CALD1: variants seen among roughly 807,000 people sequenced by gnomAD.
CALD1 encodes the protein caldesmon 1, also known as caldesmon.
CALD1 carries 33 observed loss-of-function variants against 99.9 expected under a neutral mutation model. That is an observed-to-expected ratio of 0.33 (90% CI 0.25 to 0.44). CALD1 has a LOEUF of 0.44. CALD1 is among the 20% of genes least tolerant of loss of function. The pLI is 1.00. For synonymous variants in CALD1, 310 were observed against 325.0 expected (o/e 0.95, Z 0.50); for missense variants, 861 against 962.1 (o/e 0.89, Z 1.39).
At chr7:134,924,378 A>G (rs1342731818) in intron 3 of CALD1, among the ~76,000 whole-genome samples, 1 of 152,028 alleles carries the variant, frequency 6.6e-6, no homozygotes, top group African/African-American at 2.4e-5. Context: ...CTTTTTTTTC[A>G]ATTTCGGAAG....
At chr7:134,848,178 A>AT (rs3837076) in intron 2 of CALD1, among the ~76,000 whole-genome samples, 22,395 of 151,342 alleles carry the variant, frequency 0.15, 1,890 homozygotes, top group African/African-American at 0.23. Flanking sequence ...TTAAATCTGG[A>AT]TTTTTTTTTA....
chr7:134,947,510 G>A lies in CALD1; in HGVS notation c.1535G>A (p.Arg512His), dbSNP rs555670514. ...KLKHTENTFS[R>H]PGGRASVDTK... is the part of the protein sequence containing the mutation. ...TTTCCATTGCCCCCCAACCACAGCC[G>A]CCCTGGAGGGAGGGCCAGCGTGGAC... is the stretch of plus-strand genomic sequence containing the variant. The change falls in exon 8 of 15, where the codon CGC (arginine) becomes CAC (histidine). Residue 512 changes from arginine (R) to histidine (H), a missense_variant and splice_region_variant. Transcript: ENST00000361675. 6.4e-7 allele frequency: 1 copy of A among 1,567,746 alleles called. No homozygotes were observed.
chr7:134,941,031 CA>C, intron 6 of CALD1, 60 bp from the exon 7 acceptor site: 5 of 1,454,368 alleles, frequency 3.4e-6, no homozygotes, highest in East Asian at 2.4e-5. Flanking sequence ...TTGATGATAC[CA>C]ACCAAAACCT....
intron 1 of CALD1, among the ~76,000 whole-genome samples, chr7:134,791,278 C>T (rs1195134154): frequency 6.6e-6 from 1 of 152,230 alleles, no homozygotes; most frequent in East Asian, 1.9e-4. Flanking sequence ...CTCACTGCAA[C>T]CTCTGCCTCC....
chr7:134,714,201 CTCTTT>C, the CALD1 span, among the ~76,000 whole-genome samples: 1 of 152,164 alleles, frequency 6.6e-6, no homozygotes, highest in African/African-American at 2.4e-5. Context: ...CCAATTAAAC[CTCTTT>C]TCTTTCTAAA....
At chr7:134,727,899 G>T in the CALD1 span, among the ~76,000 whole-genome samples, 1 of 152,166 alleles carries the variant, frequency 6.6e-6, no homozygotes, top group African/African-American at 2.4e-5. Flanking sequence ...TCTTCCATAA[G>T]TTTTCTTTAA....
chr7:134,883,530 A>T (rs1027060580), intron 3 of CALD1, among the ~76,000 whole-genome samples: 3 of 151,806 alleles, frequency 2.0e-5, no homozygotes, highest in Non-Finnish European at 4.4e-5. Flanking sequence ...TAGTGAGATT[A>T]AAAAAAAGGC....
chr7:134,859,807 T>C (rs759245145), intron 2 of CALD1, among the ~76,000 whole-genome samples: 1 of 152,216 alleles, frequency 6.6e-6, no homozygotes, highest in Non-Finnish European at 1.5e-5. Context: ...TCCCTAAACA[T>C]GGTGTCTTCC....
intron 3 of CALD1, chr7:134,891,583 G>A: frequency 5.0e-6 from 8 of 1,593,560 alleles, no homozygotes; most frequent in Non-Finnish European, 6.8e-6. Context: ...CCAGGTCTCC[G>A]TATCTCTCTG....
rs1808950503 is a variant in CALD1 at position 134,970,168 on chromosome 7, G to A, written c.*1823G>A. 6.6e-6 allele frequency: 1 copy of A among 152,188 alleles called. No individual in the cohort carries two copies. The highest frequency in any genetic ancestry group is 1.5e-5 in the Non-Finnish European group (1 of 68,032). 9.4% of individuals were successfully genotyped at this position (152,188 alleles called of 1,614,324 possible). On this transcript the variant is annotated 3_prime_UTR_variant, in exon 15 of 15. Transcript: ENST00000361675. The stretch of plus-strand genomic sequence containing the variant: ...CAAAGTAGGCACAAGTCTACAATAA[G>A]CTAAATCAGAATTTACAAATACAAG...
intron 2 of CALD1, among the ~76,000 whole-genome samples, chr7:134,857,786 A>T (rs1391875248): frequency 6.6e-6 from 1 of 152,158 alleles, no homozygotes; most frequent in Non-Finnish European, 1.5e-5. Context: ...TCCAGAATAC[A>T]GTAAACACAC....
chr7:134,896,254 G>T (rs185951893), intron 3 of CALD1, among the ~76,000 whole-genome samples: 2 of 152,218 alleles, frequency 1.3e-5, no homozygotes, highest in Non-Finnish European at 2.9e-5. Flanking sequence ...TCTGCAGAAA[G>T]TAAATTTTGC....
intron 3 of CALD1, among the ~76,000 whole-genome samples, chr7:134,905,322 G>A (rs528606766): frequency 9.2e-5 from 14 of 152,086 alleles, no homozygotes; most frequent in South Asian, 6.2e-4. Context: ...TCTAAGTACC[G>A]TGCAACTATT....
intron 7 of CALD1, among the ~76,000 whole-genome samples, chr7:134,942,964 A>G (rs973099989): frequency 2.0e-5 from 3 of 152,240 alleles, no homozygotes; most frequent in African/African-American, 7.2e-5. Flanking sequence ...AAGTGCTAAG[A>G]ACACTTACGT....
At chr7:134,798,617 T>G (rs1216524240) in intron 1 of CALD1, among the ~76,000 whole-genome samples, 1 of 152,198 alleles carries the variant, frequency 6.6e-6, no homozygotes, top group South Asian at 2.1e-4. Flanking sequence ...TCTAAAGACT[T>G]TGGCCAGTTT....
chr7:134,754,239 A>G (rs1452829265), intron 1 of CALD1, among the ~76,000 whole-genome samples: 2 of 152,216 alleles, frequency 1.3e-5, no homozygotes, highest in Admixed American at 1.3e-4. Flanking sequence ...GAGAGACTTT[A>G]TAAAGAGAAG....
Position 134,920,584 on chromosome 7 carries a change from A to G in CALD1, c.72-8170A>G, listed in dbSNP as rs1049445770. 5.2e-5 allele frequency: 67 copies of G among 1,288,452 alleles called. 2 individuals carry two copies. In the South Asian group the frequency reaches 7.8e-4, roughly 15 times the overall value. 79.8% of individuals were successfully genotyped at this position (1,288,452 alleles called of 1,614,324 possible). A position where few individuals can be genotyped will look rare whatever the true frequency, so the allele number is the denominator to read the frequency against. ...GACAGAATAGTGTTCTGGATTGAGT[A>G]TCTCAGTTACCAGCCTGAAATCTCC... On this transcript the variant is annotated intron_variant, in intron 3 of 14. Transcript: ENST00000361675.
intron 1 of CALD1, among the ~76,000 whole-genome samples, chr7:134,810,013 G>GGAT (rs1232119773): frequency 6.6e-6 from 1 of 152,120 alleles, no homozygotes; most frequent in African/African-American, 2.4e-5. Context: ...AAGGAATCTT[G>GGAT]GATGACTTAC....
intron 9 of CALD1, among the ~76,000 whole-genome samples, chr7:134,956,055 A>G (rs1807744379): frequency 6.6e-6 from 1 of 152,208 alleles, no homozygotes; most frequent in African/African-American, 2.4e-5. Flanking sequence ...TCAGAAAAAT[A>G]AGAGTTACTT....
Sources: gnomAD v4.1 joint callset for allele counts (sites outside exome capture counted in the v4.1 genomes callset) on GRCh38, gnomAD v4.1.1 for gene constraint, MANE v1.5 for transcripts, NCBI Gene and HGNC (gene_info 2026-07-23, HGNC 2026-07-21) for gene names.